Variants in ASTN2 observed in about 807,000 individuals in gnomAD.
ASTN2 encodes the protein astrotactin-2.
Under a neutral mutation model 139.8 loss-of-function variants are expected in ASTN2, and 54 were observed. That is an observed-to-expected ratio of 0.39 (90% CI 0.31 to 0.48). The LOEUF is 0.48. ASTN2 is among the 20% of genes least tolerant of loss of function. The pLI, the probability that ASTN2 is intolerant of heterozygous loss-of-function variation, is 0.95. For missense variants in ASTN2, 1,565 were observed against 1,725.1 expected, an observed-to-expected ratio of 0.91 and a Z score of 1.64; for synonymous variants, 756 against 719.5, an observed-to-expected ratio of 1.05 and a Z score of -0.81.
At chr9:117,209,129 G>C (rs1320357454) in intron 3 of ASTN2, among the ~76,000 whole-genome samples, 1 of 152,028 alleles carries the variant, frequency 6.6e-6, no homozygotes, top group Non-Finnish European at 1.5e-5. Context: ...AATAATAAGA[G>C]AGAAAGTAAG....
intron 16 of ASTN2, among the ~76,000 whole-genome samples, chr9:116,658,829 C>T (rs1858388868): frequency 6.6e-6 from 1 of 150,498 alleles, no homozygotes. Flanking sequence ...ACCATTCCCA[C>T]CTCTTAATGC....
At chr9:116,607,501 G>A (rs73528706) in intron 19 of ASTN2, among the ~76,000 whole-genome samples, 1,696 of 152,162 alleles carry the variant, frequency 0.011, 29 homozygotes, top group African/African-American at 0.039. Flanking sequence ...GTGACCCTAG[G>A]CCAGATAACC....
At chr9:117,366,250 G>A (rs1214410933) in intron 1 of ASTN2, among the ~76,000 whole-genome samples, 1 of 152,124 alleles carries the variant, frequency 6.6e-6, no homozygotes, top group African/African-American at 2.4e-5. Flanking sequence ...TGCTGACAAT[G>A]GCAATGACAA....
chr9:116,473,525 CG>C (rs1848883254), intron 20 of ASTN2, among the ~76,000 whole-genome samples: 1 of 152,180 alleles, frequency 6.6e-6, no homozygotes, highest in African/African-American at 2.4e-5. Context: ...AACAGAAAAA[CG>C]TGAGTAACTG....
At chr9:117,162,955 C>A (rs927562790) in intron 3 of ASTN2, among the ~76,000 whole-genome samples, 1 of 152,030 alleles carries the variant, frequency 6.6e-6, no homozygotes, top group African/African-American at 2.4e-5. Flanking sequence ...GGACTGGTTT[C>A]TAAGGAGACC....
chr9:117,300,960 T>C (rs1834861524), intron 1 of ASTN2, among the ~76,000 whole-genome samples: 1 of 152,176 alleles, frequency 6.6e-6, no homozygotes, highest in Admixed American at 6.5e-5. Context: ...GGGAACTGCA[T>C]CTTTTACATG....
chr9:116,560,147 A>G (rs1852832635), intron 19 of ASTN2, among the ~76,000 whole-genome samples: 1 of 152,230 alleles, frequency 6.6e-6, no homozygotes, highest in Non-Finnish European at 1.5e-5. Flanking sequence ...TGTAGTTAAC[A>G]ATGTGTAAAT....
chr9:116,893,063 T>A (rs1462854039), intron 10 of ASTN2, among the ~76,000 whole-genome samples: 2 of 152,108 alleles, frequency 1.3e-5, no homozygotes, highest in African/African-American at 2.4e-5. Context: ...TATTATTTAT[T>A]TTCTGATTCT....
At chr9:116,689,662 T>C (rs1372379833) in intron 16 of ASTN2, among the ~76,000 whole-genome samples, 1 of 152,128 alleles carries the variant, frequency 6.6e-6, no homozygotes. Context: ...TCCCCTCTAA[T>C]GAAAAAGAGG....
chr9:116,904,223 C>T (rs1455183794), intron 10 of ASTN2, among the ~76,000 whole-genome samples: 1 of 152,146 alleles, frequency 6.6e-6, no homozygotes, highest in Admixed American at 6.5e-5. Context: ...AGAAATTGAG[C>T]AGCTCTGGGA....
At chr9:117,054,778 G>A (rs1210321186) in intron 5 of ASTN2, among the ~76,000 whole-genome samples, 1 of 152,198 alleles carries the variant, frequency 6.6e-6, no homozygotes, top group Non-Finnish European at 1.5e-5. Context: ...TGCAAGGAAA[G>A]TGGACTTTCT....
chr9:116,606,985 T>G (rs1855241595), intron 19 of ASTN2, among the ~76,000 whole-genome samples: 1 of 152,184 alleles, frequency 6.6e-6, no homozygotes, highest in African/African-American at 2.4e-5. Flanking sequence ...AAATTTCAAT[T>G]TAAGCCAAGT....
chr9:117,163,936 G>A (rs995225683), intron 3 of ASTN2, among the ~76,000 whole-genome samples: 17 of 151,968 alleles, frequency 1.1e-4, no homozygotes, highest in African/African-American at 2.4e-4. Flanking sequence ...ACTCTCCAGC[G>A]ACCAGCATAG....
At chr9:116,735,451 C>T (rs1828902290) in intron 13 of ASTN2, among the ~76,000 whole-genome samples, 7 of 152,138 alleles carry the variant, frequency 4.6e-5, no homozygotes, top group Admixed American at 4.6e-4. Flanking sequence ...TAGATTTTTC[C>T]CTGAAAGATG....
At chr9:116,441,458 A>C (rs1216203318) in intron 21 of ASTN2, among the ~76,000 whole-genome samples, 10 of 152,018 alleles carry the variant, frequency 6.6e-5, no homozygotes, top group African/African-American at 2.4e-4. Context: ...AAATGGGAGG[A>C]ACACTATGCT....
chr9:116,971,826 A>G (rs1380008339), intron 10 of ASTN2, among the ~76,000 whole-genome samples: 1 of 152,238 alleles, frequency 6.6e-6, no homozygotes, highest in Non-Finnish European at 1.5e-5. Flanking sequence ...CTTAATCTTC[A>G]TCACTCCATA....
In ASTN2 at chr9:116,629,777, C is replaced by T. The variant is rs144324110; in HGVS notation, c.3073-9334G>A. ...CAGAACAGCTCCTTAATCTGGGTGA[C>T]AGGAAGAAGACATTTAGAACCAGCC... On this transcript the variant is annotated intron_variant, in intron 17 of 22. Coordinates refer to ENST00000313400, the MANE Select transcript of ASTN2 (RefSeq NM_001365068.1). 2.2e-3 allele frequency among the ~76,000 whole-genome samples: 328 copies of T among 152,230 alleles called. 1 individual carries two copies. The highest frequency in any genetic ancestry group is 7.0e-3 in the African/African-American group (290 of 41,532).
chr9:117,043,953 A>G (rs1838659382), intron 5 of ASTN2, among the ~76,000 whole-genome samples: 1 of 151,934 alleles, frequency 6.6e-6, no homozygotes, highest in Non-Finnish European at 1.5e-5. Flanking sequence ...AAAAACAAAG[A>G]GTCAACATGG....
intron 13 of ASTN2, among the ~76,000 whole-genome samples, chr9:116,734,362 A>T (rs961630303): frequency 6.6e-6 from 1 of 152,172 alleles, no homozygotes; most frequent in African/African-American, 2.4e-5. Context: ...GGCAGGTTTC[A>T]TTCTTCTAGA....
Sources: gnomAD v4.1 joint callset for allele counts (sites outside exome capture counted in the v4.1 genomes callset) on GRCh38, gnomAD v4.1.1 for gene constraint, MANE v1.5 for transcripts, NCBI Gene and HGNC (gene_info 2026-07-23, HGNC 2026-07-21) for gene names.